The following RNF217 variants were observed in gnomAD, a reference collection of about 807,000 sequenced individuals.
RNF217 encodes E3 ubiquitin-protein ligase RNF217.
In RNF217, 31 loss-of-function variants were observed where a neutral mutation model predicts 57.8. That is an observed-to-expected ratio of 0.54 (90% confidence interval 0.40 to 0.72). The LOEUF (loss-of-function observed/expected upper bound fraction) is 0.72, where lower values mean the gene tolerates loss of function less well. Among genes scored for constraint, RNF217 ranks in the 30% least tolerant of loss-of-function variants. RNF217 has a pLI of 0.00. For missense variants in RNF217, 696 were observed against 708.3 expected, an observed-to-expected ratio of 0.98 and a Z score of 0.20; for synonymous variants, 313 against 294.0, an observed-to-expected ratio of 1.06 and a Z score of -0.66.
rs1412444649 is a variant in RNF217, at chr6:125,086,885, G to A, written c.*3948G>A. On this transcript the variant is annotated 3_prime_UTR_variant, in exon 6 of 6. Transcript: ENST00000521654. ...ACTCTGACTATCTCTTGAGTCCCAA[G>A]GCTCCAATTGAGCCTTTATCTTTCA... 1 of 152,062 alleles carries A rather than the reference G, an allele frequency of 6.6e-6. No homozygotes were observed. The highest frequency in any genetic ancestry group is 1.5e-5 in the Non-Finnish European group (1 of 67,988). 9.4% of individuals were successfully genotyped at this position (152,062 alleles called of 1,614,324 possible). A position where few individuals can be genotyped will look rare whatever the true frequency, so the allele number is the denominator to read the frequency against.
chr6:125,015,008 A>G (rs1411507528), intron 1 of RNF217, among the ~76,000 whole-genome samples: 1 of 151,972 alleles, frequency 6.6e-6, no homozygotes, highest in African/African-American at 2.4e-5. Context: ...ATGTGTTTTT[A>G]TTTTCCCAGA....
intron 1 of RNF217, among the ~76,000 whole-genome samples, chr6:125,026,412 C>T (rs757441554): frequency 6.6e-6 from 1 of 152,150 alleles, no homozygotes; most frequent in Non-Finnish European, 1.5e-5. Context: ...GTGCCTGGCA[C>T]ATACTAAACG....
chr6:125,083,004 G>A lies in RNF217; in HGVS notation c.*67G>A. Reference sequence around the variant, plus strand: ...GCGATACCAAAGGGTACACCCATCTGTGAGTCACATCTTGAAAAACACTGA... The same window carrying A: ...GCGATACCAAAGGGTACACCCATCTATGAGTCACATCTTGAAAAACACTGA... On this transcript the variant is annotated 3_prime_UTR_variant, in exon 6 of 6. Coordinates refer to ENST00000521654, the MANE Select transcript of RNF217 (RefSeq NM_001286398.3). The A allele has an allele frequency of 9.4e-7, 1 of 1,068,232 alleles. No homozygotes were observed. Among genetic ancestry groups the A allele is most frequent in the Non-Finnish European group, 1.3e-6 (1 of 744,214 alleles). The allele number at this position is 1,068,232 out of a possible 1,614,324, so 66.2% of individuals were successfully genotyped here. A position where few individuals can be genotyped will look rare whatever the true frequency, so the allele number is the denominator to read the frequency against.
intron 1 of RNF217, among the ~76,000 whole-genome samples, chr6:124,968,318 C>T (rs1783628487): frequency 6.6e-6 from 1 of 151,898 alleles, no homozygotes. Context: ...ACTTATCCTT[C>T]TGTGTGCAAA....
intron 1 of RNF217, among the ~76,000 whole-genome samples, chr6:124,991,461 C>T (rs1351628553): frequency 1.3e-5 from 2 of 152,146 alleles, no homozygotes; most frequent in South Asian, 2.1e-4. Context: ...CATTCTTCTT[C>T]CTTGTTTAAT....
rs370348157 is a variant in RNF217 at position 124,962,823 on chromosome 6, C to G, written c.279C>G (p.Thr93=). Residue 93 remains threonine, a synonymous_variant, in exon 1 of 6, where the codon ACC becomes ACG. Coordinates refer to ENST00000521654, the MANE Select transcript of RNF217 (RefSeq NM_001286398.3). The surrounding 1 kb of genome is among the most constrained non-coding windows in gnomAD (Gnocchi z 4.6). ...APAQPAGLAL[T]GPLNPQTLPL... The stretch of plus-strand genomic sequence containing the variant: ...CGCAGCCTGCGGGACTGGCACTCAC[C>G]GGGCCTCTCAATCCCCAGACCTTGC... 8.8e-6 allele frequency: 14 copies of G among 1,597,838 alleles called. No individual in the cohort carries two copies. The African/African-American group carries it at 1.3e-4, about 15-fold the overall frequency.
At chr6:125,040,072 G>A (rs1786812238) in intron 1 of RNF217, among the ~76,000 whole-genome samples, 1 of 151,932 alleles carries the variant, frequency 6.6e-6, no homozygotes, top group Non-Finnish European at 1.5e-5. Context: ...GCTAACAGAA[G>A]ACAAAAAATA....
At chr6:125,043,621 G>A (rs1474524189) in intron 1 of RNF217, among the ~76,000 whole-genome samples, 3 of 151,910 alleles carry the variant, frequency 2.0e-5, no homozygotes, top group Admixed American at 2.0e-4. Context: ...TGGTTACACA[G>A]GGGTTTTTAT....
intron 3 of RNF217, among the ~76,000 whole-genome samples, chr6:125,061,535 T>C (rs1582765558): frequency 6.6e-6 from 1 of 151,782 alleles, no homozygotes; most frequent in African/African-American, 2.4e-5. Context: ...TTATGAGCTC[T>C]TTATTTAGAT....
At chr6:125,071,310 C>T (rs1788127048) in intron 3 of RNF217, among the ~76,000 whole-genome samples, 1 of 152,130 alleles carries the variant, frequency 6.6e-6, no homozygotes, top group Non-Finnish European at 1.5e-5. Flanking sequence ...GCAGTGGCAG[C>T]GAGCTGTGCA....
intron 1 of RNF217, among the ~76,000 whole-genome samples, chr6:125,030,889 C>T (rs909343512): frequency 6.6e-6 from 1 of 152,198 alleles, no homozygotes; most frequent in African/African-American, 2.4e-5. Flanking sequence ...CATTTTCCTC[C>T]CGCACTGCCC....
intron 1 of RNF217, among the ~76,000 whole-genome samples, chr6:125,034,819 C>T (rs1786533079): frequency 1.3e-5 from 2 of 152,048 alleles, no homozygotes; most frequent in Admixed American, 1.3e-4. Context: ...TTGATTCTTC[C>T]TACCCATGAG....
intron 1 of RNF217, among the ~76,000 whole-genome samples, chr6:125,014,216 C>A (rs1180900631): frequency 6.6e-6 from 1 of 152,066 alleles, no homozygotes. Context: ...CTCTTGCATG[C>A]CTTTATCAAA....
intron 1 of RNF217, among the ~76,000 whole-genome samples, chr6:124,964,023 CAGAA>C (rs1037571576): frequency 1.3e-5 from 2 of 152,158 alleles, no homozygotes; most frequent in Admixed American, 6.5e-5. Flanking sequence ...GGAAGCAAAA[CAGAA>C]AGAGCAAAAC....
intron 3 of RNF217, among the ~76,000 whole-genome samples, chr6:125,059,413 C>T (rs1384943964): frequency 6.6e-6 from 1 of 152,080 alleles, no homozygotes; most frequent in East Asian, 1.9e-4. Context: ...CTTTCTCTTG[C>T]CTTTTTAGTT....
chr6:124,998,257 C>T (rs1295312554), intron 1 of RNF217, among the ~76,000 whole-genome samples: 1 of 152,080 alleles, frequency 6.6e-6, no homozygotes, highest in Non-Finnish European at 1.5e-5. Context: ...ATGGATTCAC[C>T]TTGTATGTCA....
rs116796717 is a variant in RNF217 at position 124,987,733 on chromosome 6, G to A, written c.882+24307G>A. Among the ~76,000 whole-genome samples, 1,191 of 152,120 alleles carry A rather than the reference G, an allele frequency of 7.8e-3. 21 individuals are homozygous for A. Among genetic ancestry groups the A allele is most frequent in the African/African-American group, 0.028 (1,144 of 41,486 alleles). On this transcript the variant is annotated intron_variant, in intron 1 of 5. Transcript: ENST00000521654. ...TCAAGTGATCCTCCTGCCTCAACCCGTGGAATAGCTGGGACTATACCTTGC... is the reference window on the plus strand; with the variant it reads ...TCAAGTGATCCTCCTGCCTCAACCCATGGAATAGCTGGGACTATACCTTGC...
At chr6:125,073,094 AT>A (rs1397584002) in intron 3 of RNF217, among the ~76,000 whole-genome samples, 1 of 152,212 alleles carries the variant, frequency 6.6e-6, no homozygotes, top group Non-Finnish European at 1.5e-5. Context: ...AAGTCGTATT[AT>A]CTCCACTTTA....
intron 1 of RNF217, among the ~76,000 whole-genome samples, chr6:124,985,827 C>T (rs1053805127): frequency 2.6e-5 from 4 of 152,038 alleles, no homozygotes; most frequent in African/African-American, 9.7e-5. Context: ...AACCAGGAAG[C>T]AGAATGATAA....
Sources: allele counts gnomAD v4.1 joint callset (sites outside exome capture counted in the v4.1 genomes callset), GRCh38; gene constraint gnomAD v4.1.1; non-coding constraint Gnocchi (gnomAD v3.1); transcripts MANE v1.5; gene names NCBI Gene and HGNC (gene_info 2026-07-23, HGNC 2026-07-21).